The following AGAP3 variants were observed in gnomAD, a reference collection of about 807,000 sequenced individuals.
The protein encoded by AGAP3 is ArfGAP with GTPase domain, ankyrin repeat and PH domain 3, also known as arf-GAP with GTPase, ANK repeat and PH domain-containing protein 3.
A neutral mutation model predicts 96.9 loss-of-function variants in AGAP3; 24 were observed. The observed-to-expected ratio is 0.25, with a 90% confidence interval of 0.18 to 0.35. AGAP3 has a LOEUF of 0.35. AGAP3 is among the 10% of genes least tolerant of loss of function. AGAP3 has a pLI of 1.00. For synonymous variants in AGAP3, 563 were observed against 536.1 expected (o/e 1.05, Z -0.69); for missense variants, 876 against 1,254.2 (o/e 0.70, Z 4.55).
chr7:151,142,341 G>A lies in AGAP3; in HGVS notation c.2051-71G>A. 3 of 1,592,360 alleles carry A rather than the reference G, an allele frequency of 1.9e-6. No homozygotes were observed. The highest frequency in any genetic ancestry group is 1.1e-5 in the South Asian group (1 of 89,870). On this transcript the variant is annotated intron_variant, in intron 15 of 17. Coordinates refer to ENST00000397238, the MANE Select transcript of AGAP3 (RefSeq NM_031946.7). This position sits in a 1 kb window ranked among gnomAD's most constrained non-coding sequence, Gnocchi z 7.5. ...AGGGAGCAGGGAAGAGGGCAGGGAA[G>A]CCTTCCCTAGTTGTCCCGCGCTCTG... is the stretch of plus-strand genomic sequence containing the variant.
chr7:151,131,629 G>A (rs993340631), intron 10 of AGAP3, among the ~76,000 whole-genome samples: 10 of 152,206 alleles, frequency 6.6e-5, no homozygotes, highest in African/African-American at 2.4e-4. Context: ...CGGGCACGAG[G>A]GCGTGGAATC....
chr7:151,116,649 G>C (rs1585072561), intron 1 of AGAP3, 144 bp from the exon 2 acceptor site: 2 of 816,078 alleles, frequency 2.5e-6, no homozygotes, highest in Admixed American at 2.0e-5. Context: ...GGGGAACTAG[G>C]GGTGAGGGTT....
At chr7:151,117,229 C>T (rs377408990) in intron 3 of AGAP3, 47 bp downstream of exon 3, 1 of 1,599,122 alleles carries the variant, frequency 6.3e-7, no homozygotes, top group African/African-American at 1.3e-5. Context: ...GCCACTCCTC[C>T]AGCTCCTGCC....
intron 11 of AGAP3, among the ~76,000 whole-genome samples, chr7:151,135,314 T>G (rs1425401236): frequency 6.6e-6 from 1 of 152,170 alleles, no homozygotes; most frequent in Non-Finnish European, 1.5e-5. Context: ...CTGGGCCCAG[T>G]AACAGCTGCC....
In AGAP3 at chr7:151,141,346, C is replaced by T. The variant is rs375780729; in HGVS notation, c.1805-552C>T. On this transcript the variant is annotated intron_variant, in intron 13 of 17. Transcript: ENST00000397238. The surrounding 1 kb of genome is among the most constrained non-coding windows in gnomAD (Gnocchi z 4.2). Reference sequence around the variant, plus strand: ...CAGGTCCTGTAGAAAACCTCTCCTCCTCTCCCCCATCCACTTGCCCTTCCT... The same window carrying T: ...CAGGTCCTGTAGAAAACCTCTCCTCTTCTCCCCCATCCACTTGCCCTTCCT... 5.8e-6 allele frequency: 1 copy of T among 171,206 alleles called. No individual in the cohort carries two copies. The highest frequency in any genetic ancestry group is 1.3e-5 in the Non-Finnish European group (1 of 79,722). The allele number at this position is 171,206 out of a possible 1,614,324, so 10.6% of individuals were successfully genotyped here.
In AGAP3 at chr7:151,086,674, C is replaced by T. The variant is rs1798159501; in HGVS notation, c.-68C>T. 4 of 118,592 alleles carry T rather than the reference C, an allele frequency of 3.4e-5. No homozygotes were observed. The highest frequency in any genetic ancestry group is 4.5e-5 in the Non-Finnish European group (3 of 67,040). 7.3% of individuals were successfully genotyped at this position (118,592 alleles called of 1,614,324 possible). A position where few individuals can be genotyped will look rare whatever the true frequency, so the allele number is the denominator to read the frequency against. On this transcript the variant is annotated 5_prime_UTR_variant, in exon 1 of 18. Transcript: ENST00000397238. ...CCCGCGCTCCCGCTCGCCGCTGCCG[C>T]CGCCGCCGCCGCCGCCGCCTCCGCC...
At position 151,139,678 on chromosome 7, in the gene AGAP3, G is replaced by T; in HGVS notation, c.1667-301G>T. 1 of 262,568 alleles carries T rather than the reference G, an allele frequency of 3.8e-6. No individual in the cohort carries two copies. The highest frequency in any genetic ancestry group is 7.2e-6 in the Non-Finnish European group (1 of 139,790). The allele number at this position is 262,568 out of a possible 1,614,324, so 16.3% of individuals were successfully genotyped here. A position where few individuals can be genotyped will look rare whatever the true frequency, so the allele number is the denominator to read the frequency against. ...GGAGCTGCTGGGGCTTCAGCTCCCC[G>T]TGAGTTCCCTGGGCTGCCTTCCACC... On this transcript the variant is annotated intron_variant, in intron 12 of 17. Coordinates refer to ENST00000397238, the MANE Select transcript of AGAP3 (RefSeq NM_031946.7). This position sits in a 1 kb window ranked among gnomAD's most constrained non-coding sequence, Gnocchi z 4.9.
At chr7:151,098,101 G>A (rs1798684208) in intron 1 of AGAP3, among the ~76,000 whole-genome samples, 4 of 152,172 alleles carry the variant, frequency 2.6e-5, no homozygotes, top group Admixed American at 2.6e-4. Flanking sequence ...GCTCACACCT[G>A]TAATCCCAGC....
At chr7:151,086,443 G>T (rs2150395443), upstream of AGAP3, among the ~76,000 whole-genome samples, 1 of 146,098 alleles carries the variant, frequency 6.8e-6, no homozygotes, top group South Asian at 2.1e-4. Flanking sequence ...GACGCGGGGG[G>T]AGGGCCTGGG....
chr7:151,106,423 C>G (rs566400483), intron 1 of AGAP3, among the ~76,000 whole-genome samples: 3 of 152,172 alleles, frequency 2.0e-5, no homozygotes, highest in Non-Finnish European at 4.4e-5. Context: ...ACCTCCACCT[C>G]CCAGGTTCAA....
chr7:151,128,009 G>C (rs62489627), intron 9 of AGAP3, among the ~76,000 whole-genome samples: 37,447 of 152,162 alleles, frequency 0.25, 5,159 homozygotes, highest in Middle Eastern at 0.33. Flanking sequence ...CGGGAAGTGT[G>C]GTTGCTGGGA....
rs1220715284 is a variant in AGAP3 at position 151,141,388 on chromosome 7, G to A, written c.1805-510G>A. 1 of 175,856 alleles carries A rather than the reference G, an allele frequency of 5.7e-6. No individual in the cohort carries two copies. 10.9% of individuals were successfully genotyped at this position (175,856 alleles called of 1,614,324 possible). A position where few individuals can be genotyped will look rare whatever the true frequency, so the allele number is the denominator to read the frequency against. ...GCCCTTCCTGCCTGTCTATGCCATG[G>A]TAGTGGGGGAGGGGCCCAGCTCCCA... On this transcript the variant is annotated intron_variant, in intron 13 of 17. Transcript: ENST00000397238. The surrounding 1 kb of genome is among the most constrained non-coding windows in gnomAD (Gnocchi z 4.2).
Position 151,138,156 on chromosome 7 carries a change from G to A in AGAP3, c.1509G>A (p.Ser503=), listed in dbSNP as rs780867823. 7.1e-5 allele frequency: 114 copies of A among 1,600,372 alleles called. No homozygotes were observed. Among genetic ancestry groups the A allele is most frequent in the Non-Finnish European group, 9.0e-5 (106 of 1,174,126 alleles). ...QLGGGTGAPH[S]ASSASLHSER... ...TCCCGCCCCCAGGTGCCCCCCACTCGGCCAGCAGCGCATCCCTGCACTCTG... is the reference window on the plus strand; with the variant it reads ...TCCCGCCCCCAGGTGCCCCCCACTCAGCCAGCAGCGCATCCCTGCACTCTG... The change falls in exon 12 of 18, where the codon TCG becomes TCA. Residue 503 remains serine, a synonymous_variant. Transcript: ENST00000397238.
chr7:151,134,573 G>A lies in AGAP3; in HGVS notation c.1495+5G>A, dbSNP rs1343278914. The A allele has an allele frequency of 6.3e-7, 1 of 1,599,746 alleles. No individual in the cohort carries two copies. Among genetic ancestry groups the A allele is most frequent in the Admixed American group, 1.7e-5 (1 of 58,670 alleles). ...CACAGCTGGGTGGGGGCACAGGTGAGGCGGCTGCTGAGGTGGGGGCCTGGG... is the reference window on the plus strand; with the variant it reads ...CACAGCTGGGTGGGGGCACAGGTGAAGCGGCTGCTGAGGTGGGGGCCTGGG... On this transcript the variant is annotated splice_donor_5th_base_variant and intron_variant, in intron 11 of 17. Transcript: ENST00000397238.
chr7:151,100,571 C>A (rs1470972787), intron 1 of AGAP3, among the ~76,000 whole-genome samples: 1 of 152,218 alleles, frequency 6.6e-6, no homozygotes, highest in Non-Finnish European at 1.5e-5. Flanking sequence ...GTGGTTCACA[C>A]CTGTAGTCCC....
chr7:151,128,435 G>A (rs922269827), intron 9 of AGAP3, 145 bp from the exon 10 acceptor site: 9 of 636,648 alleles, frequency 1.4e-5, no homozygotes, highest in Middle Eastern at 6.7e-4. Context: ...CAAGTTCACC[G>A]ATAGGTCCTT....
At chr7:151,121,029 C>T (rs1002781693) in intron 8 of AGAP3, 3 of 204,372 alleles carry the variant, frequency 1.5e-5, no homozygotes, top group African/African-American at 7.1e-5. Context: ...CTCCATGCGC[C>T]TCTTTCCGAG....
At chr7:151,088,634 C>T (rs1585027336) in intron 1 of AGAP3, among the ~76,000 whole-genome samples, 3 of 152,326 alleles carry the variant, frequency 2.0e-5, no homozygotes, top group Middle Eastern at 3.4e-3. Context: ...CCTCGTGGGC[C>T]GGCCACAGGA....
chr7:151,086,709 C>T lies in AGAP3; in HGVS notation c.-33C>T. The T allele has an allele frequency of 1.8e-6, 1 of 564,928 alleles. No homozygotes were observed. 35.0% of individuals were successfully genotyped at this position (564,928 alleles called of 1,614,324 possible). ...CGCCGCCGCCTCCGCCGCGCCGCCC[C>T]GGGCCCGCCTCGGGCCCCACGGCTC... On this transcript the variant is annotated 5_prime_UTR_variant, in exon 1 of 18. Coordinates refer to ENST00000397238, the MANE Select transcript of AGAP3 (RefSeq NM_031946.7).
Sources: gnomAD v4.1 joint callset for allele counts (sites outside exome capture counted in the v4.1 genomes callset) on GRCh38, gnomAD v4.1.1 for gene constraint, Gnocchi (gnomAD v3.1) non-coding constraint, MANE v1.5 for transcripts, NCBI Gene and HGNC (gene_info 2026-07-23, HGNC 2026-07-21) for gene names.